The following CAPN13 variants were observed in gnomAD, a reference collection of about 807,000 sequenced individuals.
CAPN13 encodes calpain 13.
Under a neutral mutation model 98.4 loss-of-function variants are expected in CAPN13, and 90 were observed. The observed-to-expected ratio is 0.92, with a 90% CI of 0.77 to 1.09. The LOEUF is 1.09. Among genes scored for constraint, CAPN13 ranks in the 50% least tolerant of loss-of-function variants. CAPN13 has a pLI of 0.00. For missense variants in CAPN13, 887 were observed against 841.3 expected, an observed-to-expected ratio of 1.05 and a Z score of -0.67; for synonymous variants, 330 against 305.5, an observed-to-expected ratio of 1.08 and a Z score of -0.84.
chr2:30,796,023 G>GT (rs1674838199), intron 1 of CAPN13, among the ~76,000 whole-genome samples: 1 of 151,410 alleles, frequency 6.6e-6, no homozygotes. Flanking sequence ...AATAAAGCTG[G>GT]TATCTGTATT....
intron 2 of CAPN13, among the ~76,000 whole-genome samples, chr2:30,784,785 C>G (rs1264625580): frequency 6.6e-6 from 1 of 152,194 alleles, no homozygotes; most frequent in Non-Finnish European, 1.5e-5. Context: ...CTCTCTGATT[C>G]TGCTTCTCAG....
intron 18 of CAPN13, among the ~76,000 whole-genome samples, chr2:30,735,799 A>G (rs1402846488): frequency 6.6e-6 from 1 of 152,214 alleles, no homozygotes; most frequent in Non-Finnish European, 1.5e-5. Context: ...GGCATTTATT[A>G]GTTTTTAAAA....
rs111551732 is a variant in CAPN13 at position 30,760,974 on chromosome 2, C to T, written c.774+2108G>A. 4.9e-3 allele frequency among the ~76,000 whole-genome samples: 753 copies of T among 152,296 alleles called. 7 individuals are homozygous for T. The highest frequency in any genetic ancestry group is 0.017 in the African/African-American group (720 of 41,570). On this transcript the variant is annotated intron_variant, in intron 7 of 22. Coordinates refer to ENST00000295055, the MANE Select transcript of CAPN13 (RefSeq NM_144575.3). ...TAGTACTTCCTCAAATGAATTATCC[C>T]GAATGCCAGTTCCACTGGCCATTAA...
At chr2:30,791,120 T>C (rs1488081616) in intron 1 of CAPN13, among the ~76,000 whole-genome samples, 1 of 152,218 alleles carries the variant, frequency 6.6e-6, no homozygotes, top group African/African-American at 2.4e-5. Context: ...GGCTGCATAC[T>C]GCAGGAAGTG....
intron 18 of CAPN13, 134 bp downstream of exon 18, chr2:30,736,369 G>A: frequency 1.2e-6 from 1 of 820,480 alleles, no homozygotes; most frequent in Non-Finnish European, 2.0e-6. Flanking sequence ...AACAACATGT[G>A]AGCTCTCCTT....
chr2:30,769,365 C>T (rs13018845), intron 5 of CAPN13, among the ~76,000 whole-genome samples: 28,432 of 152,060 alleles, frequency 0.19, 2,893 homozygotes, highest in South Asian at 0.34. Context: ...CACATGCTGG[C>T]GAGCACTTGG....
At chr2:30,778,300 C>T (rs555549565) in intron 2 of CAPN13, among the ~76,000 whole-genome samples, 5 of 151,524 alleles carry the variant, frequency 3.3e-5, no homozygotes, top group Admixed American at 2.6e-4. Context: ...TGGAGGATTC[C>T]ACCAGTGCTG....
intron 19 of CAPN13, among the ~76,000 whole-genome samples, chr2:30,733,621 C>T (rs1363099192): frequency 3.9e-5 from 6 of 152,006 alleles, no homozygotes; most frequent in Admixed American, 6.6e-5. Flanking sequence ...TGTGCTTTAA[C>T]GAGCCCTGAA....
At chr2:30,738,315 G>C in intron 16 of CAPN13, 22 bp from the exon 17 acceptor site, 1 of 1,613,800 alleles carries the variant, frequency 6.2e-7, no homozygotes, top group African/African-American at 1.3e-5. Context: ...AGGACAGGAA[G>C]GACTGAAGTG....
At chr2:30,755,285 T>G (rs536321425) in intron 8 of CAPN13, among the ~76,000 whole-genome samples, 13 of 152,230 alleles carry the variant, frequency 8.5e-5, no homozygotes, top group Middle Eastern at 3.4e-3. Context: ...CCAGGTCTTT[T>G]GAGCTTCCAT....
At chr2:30,805,747 C>CTTTTTTTTTTTTTTTTT (rs72100161) in intron 1 of CAPN13, among the ~76,000 whole-genome samples, 3 of 121,532 alleles carry the variant, frequency 2.5e-5, no homozygotes, top group Non-Finnish European at 3.3e-5. Context: ...GTAGGTTGGT[C>CTTTTTTTTTTTTTTTTT]TTTTTTTTTT....
chr2:30,736,535 C>A lies in CAPN13; in HGVS notation c.1690G>T (p.Ala564Ser), dbSNP rs1181845824. 1.2e-6 allele frequency: 2 copies of A among 1,614,036 alleles called. No homozygotes were observed. The highest frequency in any genetic ancestry group is 2.2e-5 in the South Asian group (2 of 91,078). The change falls in exon 18 of 23, where the codon GCG (alanine) becomes TCG (serine). Residue 564 changes from alanine (A) to serine (S), a missense_variant. Ala to Ser is a moderately conservative substitution (Grantham distance 99). Transcript: ENST00000295055. ...TGAACAAGGCGCTTCCACAGTCGCG[C>A]AAACTCCTCTTGGTCTAGCCGCCCA... Reference protein sequence around the residue: ...VNGRLDQEEFARLWKRLVHYQ... With the variant: ...VNGRLDQEEFSRLWKRLVHYQ...
chr2:30,770,581 A>G (rs1239990101), intron 4 of CAPN13, 132 bp from the exon 5 acceptor site: 1 of 1,143,920 alleles, frequency 8.7e-7, no homozygotes, highest in Non-Finnish European at 1.2e-6. Context: ...ACAAAATCCC[A>G]GCCCAGGTTG....
intron 12 of CAPN13, 189 bp from the exon 13 acceptor site, chr2:30,743,768 GA>G (rs1269670151): frequency 1.4e-6 from 1 of 696,136 alleles, no homozygotes; most frequent in Non-Finnish European, 2.6e-6. Flanking sequence ...ATTTCATCTA[GA>G]CCCTGGACAC....
chr2:30,770,352 T>C lies in CAPN13; in HGVS notation c.485A>G (p.Gln162Arg). 1 of 1,613,972 alleles carries C rather than the reference T, an allele frequency of 6.2e-7. No homozygotes were observed. Among genetic ancestry groups the C allele is most frequent in the Middle Eastern group, 1.6e-4 (1 of 6,062 alleles). ...CLFVRPRHQN[Q>R]EFWPCLLEKA... ...CTCCAGCAGGCAGGGCCAGAACTCT[T>C]GGTTTTGGTGGCGAGGACGCACAAA... is the stretch of plus-strand genomic sequence containing the variant. The change falls in exon 5 of 23, where the codon CAA becomes CGA. Residue 162 changes from glutamine to arginine, a missense_variant. Gln to Arg is a conservative substitution (Grantham distance 43). Transcript: ENST00000295055.
Position 30,737,966 on chromosome 2 carries a change from GACACACACACACACACACACACACACAC to G in CAPN13, c.1653+241_1653+268del. 1.9e-5 allele frequency: 7 copies of G among 372,404 alleles called. No individual in the cohort carries two copies. The South Asian group carries it at 2.6e-4, about 14-fold the overall frequency. 23.1% of individuals were successfully genotyped at this position (372,404 alleles called of 1,614,324 possible). A position where few individuals can be genotyped will look rare whatever the true frequency, so the allele number is the denominator to read the frequency against. On this transcript the variant is annotated intron_variant, in intron 17 of 22. Coordinates refer to ENST00000295055, the MANE Select transcript of CAPN13 (RefSeq NM_144575.3). Reference sequence around the variant, plus strand: ...GAGGGATTGCTTCAAGAATTATAAGGACACACACACACACACACACACACACACACACACACACACCCCAGTACACTGA... The same window carrying G: ...GAGGGATTGCTTCAAGAATTATAAGGACACACACACACCCCAGTACACTGA...
Position 30,743,463 on chromosome 2 carries a change from G to T in CAPN13, c.1365C>A (p.Asn455Lys). The change falls in exon 13 of 23, where the codon AAC becomes AAA. Residue 455 changes from asparagine (N) to lysine (K), a missense_variant. By Grantham distance (94) the Asn-to-Lys change is moderately conservative. Coordinates refer to ENST00000295055, the MANE Select transcript of CAPN13 (RefSeq NM_144575.3). ...FTMTYHLSPG[N>K]YVVVAQTRRK... ...TCCGTGTCTGTGCAACCACAACATAGTTCCCAGGGCTCAGATGGTAAGTCA... is the reference window on the plus strand; with the variant it reads ...TCCGTGTCTGTGCAACCACAACATATTTCCCAGGGCTCAGATGGTAAGTCA... 2 of 1,613,972 alleles carry T rather than the reference G, an allele frequency of 1.2e-6. No homozygotes were observed. The highest frequency in any genetic ancestry group is 1.3e-5 in the African/African-American group (1 of 75,044).
intron 22 of CAPN13, among the ~76,000 whole-genome samples, chr2:30,725,512 C>G (rs940393441): frequency 1.3e-5 from 2 of 152,166 alleles, no homozygotes; most frequent in African/African-American, 4.8e-5. Context: ...ACCTCTTGTA[C>G]ACAGTTTTGT....
chr2:30,793,000 T>C (rs558777717), intron 1 of CAPN13, among the ~76,000 whole-genome samples: 2 of 151,986 alleles, frequency 1.3e-5, no homozygotes, highest in Non-Finnish European at 2.9e-5. Flanking sequence ...CTAGAAATAG[T>C]AGGTAACATC....
Sources: allele counts gnomAD v4.1 joint callset (sites outside exome capture counted in the v4.1 genomes callset), GRCh38; gene constraint gnomAD v4.1.1; transcripts MANE v1.5; gene names NCBI Gene and HGNC (gene_info 2026-07-23, HGNC 2026-07-21).